The following ENOX1 variants were observed in gnomAD, a reference collection of about 807,000 sequenced individuals.
The protein encoded by ENOX1 is ecto-NOX disulfide-thiol exchanger 1.
A neutral mutation model predicts 82.5 loss-of-function variants in ENOX1; 42 were observed. That is an observed-to-expected ratio of 0.51 (90% CI 0.40 to 0.66). ENOX1 has a LOEUF of 0.66. Among genes scored for constraint, ENOX1 ranks in the 30% least tolerant of loss-of-function variants. The pLI, the probability that ENOX1 is intolerant of heterozygous loss-of-function variation, is 0.00. For synonymous variants in ENOX1, 271 were observed against 282.2 expected, an observed-to-expected ratio of 0.96 and a Z score of 0.40; for missense variants, 608 against 811.6, an observed-to-expected ratio of 0.75 and a Z score of 3.05.
intron 14 of ENOX1, among the ~76,000 whole-genome samples, chr13:43,251,352 A>C (rs1432804353): frequency 6.6e-6 from 1 of 152,210 alleles, no homozygotes; most frequent in Non-Finnish European, 1.5e-5. Flanking sequence ...ACCACTCCAA[A>C]CAGATTCATG....
At chr13:43,351,922 G>T (rs1009624627) in intron 8 of ENOX1, among the ~76,000 whole-genome samples, 2 of 152,072 alleles carry the variant, frequency 1.3e-5, no homozygotes, top group Admixed American at 6.6e-5. Context: ...CTCTATGAAG[G>T]TCAATAACAC....
chr13:43,263,127 G>C (rs2044174157), intron 14 of ENOX1, among the ~76,000 whole-genome samples: 2 of 152,162 alleles, frequency 1.3e-5, no homozygotes, highest in African/African-American at 4.8e-5. Flanking sequence ...TACCCTAGTG[G>C]AGGTACTGGG....
chr13:43,237,581 G>A (rs2042610039), intron 14 of ENOX1, among the ~76,000 whole-genome samples: 1 of 152,192 alleles, frequency 6.6e-6, no homozygotes, highest in African/African-American at 2.4e-5. Context: ...GCAGTGGTGG[G>A]GAACCTGCAG....
chr13:43,482,634 TG>T, intron 3 of ENOX1, among the ~76,000 whole-genome samples: 1 of 138,858 alleles, frequency 7.2e-6, no homozygotes, highest in African/African-American at 2.6e-5. Context: ...TGTGTGTGTG[TG>T]TTTTAACCAC....
At chr13:43,754,216 TGTAC>T (rs1346522232) in intron 1 of ENOX1, among the ~76,000 whole-genome samples, 8 of 148,600 alleles carry the variant, frequency 5.4e-5, no homozygotes, top group Non-Finnish European at 4.5e-5. Flanking sequence ...TATATATGTG[TGTAC>T]ATACATGTGT....
intron 12 of ENOX1, among the ~76,000 whole-genome samples, chr13:43,271,625 C>G (rs1467069235): frequency 1.3e-5 from 2 of 151,866 alleles, no homozygotes; most frequent in Non-Finnish European, 2.9e-5. Flanking sequence ...GCATTGGAGT[C>G]TTCATTGCAT....
chr13:43,747,679 T>C (rs1195281898), intron 1 of ENOX1, among the ~76,000 whole-genome samples: 1 of 152,242 alleles, frequency 6.6e-6, no homozygotes, highest in Non-Finnish European at 1.5e-5. Context: ...TTCCAGATTC[T>C]TTGGTAATGT....
intron 1 of ENOX1, among the ~76,000 whole-genome samples, chr13:43,739,595 AAT>A (rs1452274006): frequency 6.6e-6 from 1 of 150,942 alleles, no homozygotes; most frequent in South Asian, 2.1e-4. Context: ...TATTTATTTA[AAT>A]ATATATAAAC....
At chr13:43,607,351 T>G (rs533429857) in intron 2 of ENOX1, among the ~76,000 whole-genome samples, 1 of 152,340 alleles carries the variant, frequency 6.6e-6, no homozygotes, top group Admixed American at 6.5e-5. Context: ...TTAATGAAGC[T>G]TTCTGTTTTT....
chr13:43,487,368 T>C (rs2076464746), intron 2 of ENOX1, among the ~76,000 whole-genome samples: 1 of 152,152 alleles, frequency 6.6e-6, no homozygotes, highest in Non-Finnish European at 1.5e-5. Flanking sequence ...GAGACATGAT[T>C]AGGCATTTAC....
chr13:43,384,159 A>G (rs1157932751), intron 5 of ENOX1, among the ~76,000 whole-genome samples: 2 of 152,230 alleles, frequency 1.3e-5, no homozygotes, highest in African/African-American at 4.8e-5. Context: ...ATAAGGACTG[A>G]GATGCTTAGA....
At chr13:43,592,056 C>T (rs1402811979) in intron 2 of ENOX1, among the ~76,000 whole-genome samples, 3 of 152,158 alleles carry the variant, frequency 2.0e-5, no homozygotes, top group Non-Finnish European at 4.4e-5. Flanking sequence ...GGGCCAGTTA[C>T]CCCTAATGAT....
At chr13:43,332,996 CAG>C (rs2048494149) in intron 9 of ENOX1, among the ~76,000 whole-genome samples, 1 of 152,120 alleles carries the variant, frequency 6.6e-6, no homozygotes, top group South Asian at 2.1e-4. Flanking sequence ...ATAGTACAAA[CAG>C]TGTGTATTTT....
chr13:43,514,579 C>T (rs2077490245), intron 2 of ENOX1, among the ~76,000 whole-genome samples: 1 of 152,066 alleles, frequency 6.6e-6, no homozygotes, highest in African/African-American at 2.4e-5. Flanking sequence ...TGTTTCCTCC[C>T]CACCCAAGTT....
chr13:43,541,950 A>G (rs2078747866), intron 2 of ENOX1, among the ~76,000 whole-genome samples: 1 of 152,134 alleles, frequency 6.6e-6, no homozygotes, highest in Non-Finnish European at 1.5e-5. Flanking sequence ...TGTCAAAAGA[A>G]TCCCTCCGAA....
intron 2 of ENOX1, among the ~76,000 whole-genome samples, chr13:43,589,575 A>T (rs937073896): frequency 3.9e-5 from 6 of 152,278 alleles, no homozygotes; most frequent in African/African-American, 1.4e-4. Flanking sequence ...ACACAATCAT[A>T]GCTCACTCAG....
At chr13:43,615,554 G>T (rs2082370725) in intron 2 of ENOX1, among the ~76,000 whole-genome samples, 1 of 152,048 alleles carries the variant, frequency 6.6e-6, no homozygotes, top group Non-Finnish European at 1.5e-5. Context: ...CTGGAACCAT[G>T]CCTGATCTAA....
chr13:43,408,729 A>G (rs539066920), intron 5 of ENOX1, among the ~76,000 whole-genome samples: 1 of 152,322 alleles, frequency 6.6e-6, no homozygotes, highest in South Asian at 2.1e-4. Context: ...TGGTCTTGGA[A>G]TAAAAATAGA....
intron 14 of ENOX1, among the ~76,000 whole-genome samples, chr13:43,239,373 A>G (rs2042706691): frequency 6.6e-6 from 1 of 152,108 alleles, no homozygotes; most frequent in Admixed American, 6.5e-5. Flanking sequence ...TTGGAGATGG[A>G]GCTGTTTTTC....
Sources: gnomAD v4.1 joint callset for allele counts (sites outside exome capture counted in the v4.1 genomes callset) on GRCh38, gnomAD v4.1.1 for gene constraint, MANE v1.5 for transcripts, NCBI Gene and HGNC (gene_info 2026-07-23, HGNC 2026-07-21) for gene names.